Variants in LACTB2 observed in about 807,000 individuals in gnomAD.
LACTB2 encodes lactamase beta 2.
LACTB2 carries 32 observed loss-of-function variants against 34.8 expected under a neutral mutation model. That is an observed-to-expected ratio of 0.92 (90% CI 0.69 to 1.24). The LOEUF (loss-of-function observed/expected upper bound fraction) is 1.24, where lower values mean the gene tolerates loss of function less well. LACTB2 is among the 50% of genes most tolerant of loss of function. The probability of loss-of-function intolerance (pLI) is 0.00; values close to 1 mark genes in which losing one functional copy is unlikely to be tolerated. For synonymous variants in LACTB2, 120 were observed against 117.5 expected (o/e 1.02, Z -0.14); for missense variants, 320 against 345.0 (o/e 0.93, Z 0.57).
At chr8:70,652,705 T>C (rs1046901455) in intron 3 of LACTB2, 2 of 152,252 alleles carry the variant, frequency 1.3e-5, no homozygotes, top group East Asian at 1.9e-4. Context: ...GAATGCTGCT[T>C]ATGGGCCTTG....
At chr8:70,644,578 C>T (rs1818239146) in intron 3 of LACTB2, among the ~76,000 whole-genome samples, 1 of 152,062 alleles carries the variant, frequency 6.6e-6, no homozygotes, top group Non-Finnish European at 1.5e-5. Flanking sequence ...CCCAAGTGAC[C>T]CTCCCACCTC....
intron 1 of LACTB2, among the ~76,000 whole-genome samples, chr8:70,664,491 A>G (rs1818515943): frequency 6.6e-6 from 1 of 152,162 alleles, no homozygotes; most frequent in Non-Finnish European, 1.5e-5. Flanking sequence ...GGTAGTGGAG[A>G]ACATGTTTCT....
chr8:70,650,006 G>T (rs2132073742), intron 3 of LACTB2, among the ~76,000 whole-genome samples: 1 of 152,196 alleles, frequency 6.6e-6, no homozygotes, highest in African/African-American at 2.4e-5. Context: ...TTTAAGAGAT[G>T]AGGGCTTACC....
intron 5 of LACTB2, among the ~76,000 whole-genome samples, chr8:70,639,361 T>C (rs1226110545): frequency 6.6e-6 from 1 of 151,336 alleles, no homozygotes; most frequent in Non-Finnish European, 1.5e-5. Flanking sequence ...GGTTTCACCA[T>C]GTTGGCCAGA....
chr8:70,643,588 G>A (rs1301750392), intron 4 of LACTB2, among the ~76,000 whole-genome samples: 5 of 150,926 alleles, frequency 3.3e-5, no homozygotes, highest in Non-Finnish European at 7.4e-5. Context: ...AATCTCTGCT[G>A]ACTGCAACTT....
chr8:70,653,054 C>CA (rs1448968688), intron 3 of LACTB2, among the ~76,000 whole-genome samples: 1 of 152,126 alleles, frequency 6.6e-6, no homozygotes, highest in African/African-American at 2.4e-5. Context: ...AGTAATATAA[C>CA]ATTTGTTTTC....
At chr8:70,649,776 A>G (rs1818314758) in intron 3 of LACTB2, among the ~76,000 whole-genome samples, 1 of 152,170 alleles carries the variant, frequency 6.6e-6, no homozygotes, top group Non-Finnish European at 1.5e-5. Context: ...CCTAGACGCA[A>G]CCACTTTCAC....
At chr8:70,661,336 T>A (rs1221647845) in intron 2 of LACTB2, 1 of 283,728 alleles carries the variant, frequency 3.5e-6, no homozygotes, top group African/African-American at 2.2e-5. Context: ...TTGCCTGAAT[T>A]TCAGCATATC....
intron 5 of LACTB2, among the ~76,000 whole-genome samples, chr8:70,639,307 G>A (rs1818165773): frequency 6.6e-6 from 1 of 151,816 alleles, no homozygotes; most frequent in Non-Finnish European, 1.5e-5. Context: ...TTACAGGCGT[G>A]TGCCACCATG....
intron 3 of LACTB2, among the ~76,000 whole-genome samples, chr8:70,648,175 C>T (rs963281720): frequency 1.3e-5 from 2 of 152,130 alleles, no homozygotes; most frequent in Admixed American, 6.5e-5. Flanking sequence ...CTAAAGCCTA[C>T]GGAAGACTCC....
intron 3 of LACTB2, among the ~76,000 whole-genome samples, chr8:70,655,128 C>A (rs1466586116): frequency 2.0e-5 from 3 of 148,096 alleles, no homozygotes; most frequent in Non-Finnish European, 3.0e-5. Context: ...TGAGAACAAA[C>A]AATGTTTGGT....
intron 4 of LACTB2, among the ~76,000 whole-genome samples, chr8:70,643,188 G>A (rs1198934213): frequency 6.8e-6 from 1 of 147,696 alleles, no homozygotes; most frequent in Non-Finnish European, 1.5e-5. Flanking sequence ...CAGCTAGACA[G>A]GACTTAGGGG....
At chr8:70,661,243 T>C (rs1176935582) in intron 2 of LACTB2, 1 of 345,264 alleles carries the variant, frequency 2.9e-6, no homozygotes, top group Non-Finnish European at 5.7e-6. Flanking sequence ...AGGTATATGA[T>C]GGTGGGATGA....
At chr8:70,662,028 T>A in intron 1 of LACTB2, 131 bp from the exon 2 acceptor site, 1 of 716,738 alleles carries the variant, frequency 1.4e-6, no homozygotes, top group Non-Finnish European at 2.2e-6. Flanking sequence ...AAAAACCAGC[T>A]ACATCACTTC....
chr8:70,648,733 T>C (rs1454363434), intron 3 of LACTB2, among the ~76,000 whole-genome samples: 1 of 152,118 alleles, frequency 6.6e-6, no homozygotes, highest in African/African-American at 2.4e-5. Context: ...CTATCATGGA[T>C]TGACAAAGAC....
chr8:70,640,418 T>C (rs1818181353), intron 5 of LACTB2, among the ~76,000 whole-genome samples: 2 of 152,192 alleles, frequency 1.3e-5, no homozygotes, highest in East Asian at 1.9e-4. Context: ...TTTCCCTACA[T>C]ACTATTTTAC....
chr8:70,643,208 CTTTTTTTTTTTT>C (rs66482767), intron 4 of LACTB2, among the ~76,000 whole-genome samples: 5 of 76,194 alleles, frequency 6.6e-5, no homozygotes, highest in Admixed American at 1.8e-4. Flanking sequence ...GTGTATTTTC[CTTTTTTTTTTTT>C]TTTTTTTTTT....
intron 1 of LACTB2, among the ~76,000 whole-genome samples, chr8:70,668,504 T>G (rs528380463): frequency 3.3e-5 from 5 of 152,266 alleles, no homozygotes; most frequent in Non-Finnish European, 4.4e-5. Flanking sequence ...GCCCACAGGC[T>G]GCAGAGAACC....
intron 1 of LACTB2, among the ~76,000 whole-genome samples, chr8:70,667,012 A>C (rs1201712815): frequency 6.6e-6 from 1 of 152,216 alleles, no homozygotes; most frequent in Non-Finnish European, 1.5e-5. Flanking sequence ...ACAGATAATA[A>C]AGGCAAAGCC....
Sources: gnomAD v4.1 joint callset for allele counts (sites outside exome capture counted in the v4.1 genomes callset) on GRCh38, gnomAD v4.1.1 for gene constraint, MANE v1.5 for transcripts, NCBI Gene and HGNC (gene_info 2026-07-23, HGNC 2026-07-21) for gene names.